The following MRAP variants were observed in gnomAD, a reference collection of about 807,000 sequenced individuals.
MRAP encodes the protein melanocortin-2 receptor accessory protein.
MRAP carries 8 observed loss-of-function variants against 8.7 expected under a neutral mutation model. The observed-to-expected ratio is 0.92, with a 90% CI of 0.54 to 1.66. The LOEUF (loss-of-function observed/expected upper bound fraction) is 1.66. Ranked by LOEUF, MRAP falls within the 40% of genes most tolerant of loss-of-function variation. The pLI, the probability that MRAP is intolerant of heterozygous loss-of-function variation, is 0.00. For synonymous variants in MRAP, 95 were observed against 95.5 expected (o/e 1.00, Z 0.03); for missense variants, 237 against 217.1 (o/e 1.09, Z -0.58).
upstream of MRAP, among the ~76,000 whole-genome samples, chr21:32,298,038 G>A (rs1017251895): frequency 6.6e-6 from 1 of 152,188 alleles, no homozygotes; most frequent in Non-Finnish European, 1.5e-5. Flanking sequence ...TAAGCCGTGT[G>A]TTTTGGCCTC....
Position 32,304,908 on chromosome 21 carries a change from G to A in MRAP, c.107-1732G>A, listed in dbSNP as rs1178435467. On this transcript the variant is annotated intron_variant, in intron 1 of 2. Transcript: ENST00000303645. ...GGCAATGGATGCTCATGATTCTTTC[G>A]CCAATACTGTGCCTTTTCATTATAC... 2.0e-5 allele frequency among the ~76,000 whole-genome samples: 3 copies of A among 150,250 alleles called. No individual in the cohort carries two copies. In the East Asian group the frequency reaches 5.9e-4, roughly 29 times the overall value.
At chr21:32,300,980 TTCATATA>T (rs1360702143) in intron 1 of MRAP, among the ~76,000 whole-genome samples, 1 of 146,906 alleles carries the variant, frequency 6.8e-6, no homozygotes, top group Non-Finnish European at 1.5e-5. Context: ...TGTATCATAT[TTCATATA>T]TCATGATATA....
At chr21:32,292,383 A>C (rs1297127920) in intron 1 of MRAP, among the ~76,000 whole-genome samples, 2 of 152,220 alleles carry the variant, frequency 1.3e-5, no homozygotes, top group Non-Finnish European at 2.9e-5. Flanking sequence ...TATGATAAAA[A>C]TTGAGTTTTT....
chr21:32,304,953 GT>G (rs1159686772), intron 1 of MRAP, among the ~76,000 whole-genome samples: 33 of 113,854 alleles, frequency 2.9e-4, no homozygotes, highest in Non-Finnish European at 4.6e-4. Flanking sequence ...AGGGGGATTT[GT>G]TTTTTTTGTT....
chr21:32,314,660 A>C, downstream of MRAP: 1 of 1,611,460 alleles, frequency 6.2e-7, no homozygotes, highest in Non-Finnish European at 8.5e-7. Flanking sequence ...CTGACGAGGC[A>C]CTGGATGGGC....
chr21:32,300,477 C>T (rs571061583), intron 1 of MRAP, among the ~76,000 whole-genome samples: 9 of 150,370 alleles, frequency 6.0e-5, no homozygotes, highest in East Asian at 2.0e-4. Context: ...ATGTCAGGGG[C>T]GCCATGCGTC....
intron 1 of MRAP, among the ~76,000 whole-genome samples, chr21:32,302,789 T>A (rs2032321034): frequency 6.6e-6 from 1 of 152,206 alleles, no homozygotes; most frequent in African/African-American, 2.4e-5. Context: ...TCCTAGAAGC[T>A]GTCCTGTGAT....
chr21:32,292,422 T>C (rs896895076), intron 1 of MRAP, among the ~76,000 whole-genome samples: 9 of 152,230 alleles, frequency 5.9e-5, no homozygotes, highest in African/African-American at 1.9e-4. Context: ...TTGCATGTAC[T>C]CTGATATACA....
chr21:32,311,120 C>T (rs1205736826), intron 2 of MRAP: 1 of 153,288 alleles, frequency 6.5e-6, no homozygotes, highest in Non-Finnish European at 1.5e-5. Flanking sequence ...CCACATCTTA[C>T]ATGACACAGG....
intron 1 of MRAP, among the ~76,000 whole-genome samples, chr21:32,300,734 CTA>C (rs994759518): frequency 4.2e-3 from 219 of 51,644 alleles, no homozygotes; most frequent in African/African-American, 9.5e-3. Context: ...GTCATTCGTC[CTA>C]TGTCAGTGTG....
At chr21:32,297,726 A>G (rs1286818521), upstream of MRAP, among the ~76,000 whole-genome samples, 3 of 152,242 alleles carry the variant, frequency 2.0e-5, no homozygotes, top group East Asian at 5.8e-4. Flanking sequence ...AAAGCCCACA[A>G]GTCTGGCGTC....
chr21:32,302,272 T>C (rs1001996783), intron 1 of MRAP, among the ~76,000 whole-genome samples: 1 of 152,264 alleles, frequency 6.6e-6, no homozygotes, highest in African/African-American at 2.4e-5. Context: ...TGATACCATC[T>C]GGATGTCATA....
chr21:32,310,054 G>T (rs1235995592), intron 2 of MRAP, among the ~76,000 whole-genome samples: 1 of 152,170 alleles, frequency 6.6e-6, no homozygotes, highest in Non-Finnish European at 1.5e-5. Flanking sequence ...CTTCTGAGAT[G>T]ACCTGCAGCC....
At chr21:32,311,408 A>ACCCCCCCCC in intron 2 of MRAP, 2 of 212,656 alleles carry the variant, frequency 9.4e-6, no homozygotes, top group African/African-American at 2.5e-5. Flanking sequence ...GCTCCCCTCC[A>ACCCCCCCCC]CCCCCCACCC....
exon 2 of MRAP, chr21:32,293,050 C>T (rs2032078861): frequency 6.6e-6 from 1 of 152,134 alleles, no homozygotes; most frequent in African/African-American, 2.4e-5. Context: ...TGATTACCTG[C>T]ACGGACCCAG....
At chr21:32,307,675 G>A (rs1421595023) in intron 2 of MRAP, among the ~76,000 whole-genome samples, 1 of 151,528 alleles carries the variant, frequency 6.6e-6, no homozygotes, top group Non-Finnish European at 1.5e-5. Flanking sequence ...CAGGAGGATC[G>A]CTTGAGCCCA....
chr21:32,302,625 C>G (rs781532223), intron 1 of MRAP, among the ~76,000 whole-genome samples: 2 of 152,206 alleles, frequency 1.3e-5, no homozygotes, highest in Non-Finnish European at 2.9e-5. Context: ...ATCCTTCTAG[C>G]TCATTGCACT....
chr21:32,306,088 C>A (rs1489783230), intron 1 of MRAP, among the ~76,000 whole-genome samples: 1 of 152,196 alleles, frequency 6.6e-6, no homozygotes, highest in Non-Finnish European at 1.5e-5. Context: ...CCTTGCCGAT[C>A]CAGGCATGAG....
At chr21:32,293,435 A>G (rs111253428) in intron 2 of MRAP, among the ~76,000 whole-genome samples, 41 of 152,308 alleles carry the variant, frequency 2.7e-4, no homozygotes, top group African/African-American at 9.4e-4. Context: ...ACACTAATGC[A>G]CCCAGGTTGC....
Sources: allele counts gnomAD v4.1 joint callset (sites outside exome capture counted in the v4.1 genomes callset), GRCh38; gene constraint gnomAD v4.1.1; transcripts MANE v1.5; gene names NCBI Gene and HGNC (gene_info 2026-07-23, HGNC 2026-07-21).